Variants in MCTP1 observed in about 807,000 individuals in gnomAD.
MCTP1 encodes the protein multiple C2 and transmembrane domain containing 1.
Under a neutral mutation model 120.6 loss-of-function variants are expected in MCTP1, and 69 were observed. The observed-to-expected ratio is 0.57, with a 90% CI of 0.47 to 0.70. The LOEUF is 0.70. Among genes scored for constraint, MCTP1 ranks in the 30% least tolerant of loss-of-function variants. The pLI is 0.00. For synonymous variants in MCTP1, 529 were observed against 493.1 expected, an observed-to-expected ratio of 1.07 and a Z score of -0.96; for missense variants, 1,203 against 1,248.8, an observed-to-expected ratio of 0.96 and a Z score of 0.55.
At chr5:95,147,533 T>G (rs1330143346) in intron 1 of MCTP1, among the ~76,000 whole-genome samples, 9 of 152,252 alleles carry the variant, frequency 5.9e-5, no homozygotes, top group Admixed American at 2.6e-4. Context: ...TTGCTCTTTT[T>G]TGTTTTCCTT....
intron 5 of MCTP1, 88 bp downstream of exon 5, chr5:94,939,996 C>A: frequency 1.5e-6 from 1 of 660,834 alleles, no homozygotes; most frequent in Non-Finnish European, 2.6e-6. Flanking sequence ...TCATAGGCAG[C>A]TTCTCTTTAT....
chr5:95,226,966 A>C (rs992552471), intron 1 of MCTP1, among the ~76,000 whole-genome samples: 9 of 152,190 alleles, frequency 5.9e-5, no homozygotes, highest in African/African-American at 2.2e-4. Flanking sequence ...TCAAAAAGAA[A>C]AGATTACATT....
intron 10 of MCTP1, among the ~76,000 whole-genome samples, chr5:94,898,795 G>C (rs1581244176): frequency 6.6e-6 from 1 of 152,146 alleles, no homozygotes; most frequent in Non-Finnish European, 1.5e-5. Flanking sequence ...AGATTCCCTT[G>C]GTTCTAGACC....
rs1279356926 is a variant in MCTP1, at chr5:94,773,931, G to A, written c.2610+5179C>T. Among the ~76,000 whole-genome samples, 8 of 111,016 alleles carry A rather than the reference G, an allele frequency of 7.2e-5. 3 individuals carry two copies. The highest frequency in any genetic ancestry group is 3.3e-4 in the South Asian group (1 of 3,046). The allele number at this position is 111,016 out of a possible 152,430, so 72.8% of individuals were successfully genotyped here. A position where few individuals can be genotyped will look rare whatever the true frequency, so the allele number is the denominator to read the frequency against. On this transcript the variant is annotated intron_variant, in intron 19 of 22. Transcript: ENST00000515393. ...CAAATCATATTAGATGAAATAGGCCGGGCGCGGTGGCTCACGCCTGTAATC... is the reference window on the plus strand; with the variant it reads ...CAAATCATATTAGATGAAATAGGCCAGGCGCGGTGGCTCACGCCTGTAATC...
At chr5:94,983,941 AGCAG>A (rs1829993748) in intron 2 of MCTP1, among the ~76,000 whole-genome samples, 1 of 152,202 alleles carries the variant, frequency 6.6e-6, no homozygotes, top group Non-Finnish European at 1.5e-5. Context: ...CTAACAATCC[AGCAG>A]TGCTCAGGAC....
intron 19 of MCTP1, among the ~76,000 whole-genome samples, chr5:94,724,377 C>T (rs67674687): frequency 1.8e-4 from 27 of 150,598 alleles, no homozygotes; most frequent in African/African-American, 6.6e-4. Flanking sequence ...TCTTGAGTAG[C>T]GGGGACCACA....
chr5:95,274,645 A>G (rs1223812344), intron 1 of MCTP1, among the ~76,000 whole-genome samples: 1 of 14,888 alleles, frequency 6.7e-5, no homozygotes, highest in African/African-American at 5.9e-4. Context: ...TTTTTTTGAG[A>G]CGAAGTCTTG....
intron 1 of MCTP1, among the ~76,000 whole-genome samples, chr5:95,156,785 AG>A (rs1745173090): frequency 6.6e-6 from 1 of 152,240 alleles, no homozygotes; most frequent in African/African-American, 2.4e-5. Flanking sequence ...AAAACATAGA[AG>A]TTTTTTTGCA....
Position 95,133,770 on chromosome 5 carries a change from T to A in MCTP1, c.721-116286A>T, listed in dbSNP as rs139880086. 2.9e-4 allele frequency among the ~76,000 whole-genome samples: 44 copies of A among 152,338 alleles called. 1 individual carries two copies. Among genetic ancestry groups the A allele is most frequent in the African/African-American group, 9.6e-4 (40 of 41,576 alleles). On this transcript the variant is annotated intron_variant, in intron 1 of 22. Transcript: ENST00000515393. ...CGTATTTTTGAGCTCTGGTTAACCA[T>A]GGGTGACTGAAACTGGAAAGTGAAG...
At chr5:94,861,836 T>C (rs954107804) in intron 17 of MCTP1, among the ~76,000 whole-genome samples, 1 of 151,772 alleles carries the variant, frequency 6.6e-6, no homozygotes, top group Non-Finnish European at 1.5e-5. Flanking sequence ...TAACAATTTT[T>C]AAAGGGTCTT....
At chr5:94,777,174 T>C (rs75693945) in intron 19 of MCTP1, among the ~76,000 whole-genome samples, 2 of 152,192 alleles carry the variant, frequency 1.3e-5, no homozygotes, top group African/African-American at 4.8e-5. Context: ...AAGAATACAG[T>C]TGAATTCACA....
In MCTP1 at chr5:94,799,033, C is replaced by A. The variant is rs1396866536; in HGVS notation, c.2536G>T (p.Asp846Tyr). The A allele has an allele frequency of 3.7e-6, 6 of 1,611,748 alleles. No individual in the cohort carries two copies. In the African/African-American group the frequency reaches 8.0e-5, roughly 22 times the overall value. Residue 846 changes from aspartate (D) to tyrosine (Y), a missense_variant, in exon 18 of 23, where the codon GAT (aspartate) becomes TAT (tyrosine). Transcript: ENST00000515393. ...WNYFLIISGK[D>Y]NRQRDTVVED... ...CTTACTGTATCACGTTGCCTGTTAT[C>A]TTTCCCTGATATTATCAAGAAGTAG...
intron 1 of MCTP1, among the ~76,000 whole-genome samples, chr5:95,258,370 T>C (rs1404148278): frequency 6.6e-6 from 1 of 152,134 alleles, no homozygotes; most frequent in East Asian, 1.9e-4. Flanking sequence ...AAATCCCAAC[T>C]GAGAAACATT....
chr5:95,212,087 T>C (rs959433671), intron 1 of MCTP1, among the ~76,000 whole-genome samples: 3 of 152,096 alleles, frequency 2.0e-5, no homozygotes, highest in Non-Finnish European at 4.4e-5. Flanking sequence ...AGTTGGTTTT[T>C]TGAAAGGATC....
At chr5:95,114,450 G>A (rs1054058528) in intron 1 of MCTP1, among the ~76,000 whole-genome samples, 7 of 152,182 alleles carry the variant, frequency 4.6e-5, no homozygotes, top group Admixed American at 3.3e-4. Context: ...AGCAGGCCAG[G>A]CAGCATTAGC....
At chr5:95,248,018 T>C (rs182012892) in intron 1 of MCTP1, among the ~76,000 whole-genome samples, 5 of 152,314 alleles carry the variant, frequency 3.3e-5, no homozygotes, top group African/African-American at 1.2e-4. Flanking sequence ...TGATGGAACA[T>C]ATCTCAAAAT....
At chr5:95,150,363 C>T (rs1327030058) in intron 1 of MCTP1, among the ~76,000 whole-genome samples, 1 of 152,236 alleles carries the variant, frequency 6.6e-6, no homozygotes, top group East Asian at 1.9e-4. Flanking sequence ...AAACCTCTAG[C>T]AGAACAAACC....
intron 2 of MCTP1, among the ~76,000 whole-genome samples, chr5:94,992,451 C>T (rs145404508): frequency 7.2e-5 from 11 of 152,300 alleles, no homozygotes; most frequent in African/African-American, 2.6e-4. Flanking sequence ...TATTCAGTGA[C>T]TTAGTTCTGG....
intron 2 of MCTP1, among the ~76,000 whole-genome samples, chr5:94,962,491 A>T (rs189832): frequency 0.83 from 124,000 of 149,990 alleles, 51,742 homozygotes; most frequent in African/African-American, 0.92. Flanking sequence ...TAGATATATA[A>T]CATATATATT....
Sources: gnomAD v4.1 joint callset for allele counts (sites outside exome capture counted in the v4.1 genomes callset) on GRCh38, gnomAD v4.1.1 for gene constraint, MANE v1.5 for transcripts, NCBI Gene and HGNC (gene_info 2026-07-23, HGNC 2026-07-21) for gene names.